EPHB1: variants seen among roughly 807,000 people sequenced by gnomAD.
The protein encoded by EPHB1 is ephrin type-B receptor 1.
Under a neutral mutation model 94.4 loss-of-function variants are expected in EPHB1, and 30 were observed. That is an observed-to-expected ratio of 0.32 (90% CI 0.24 to 0.43). EPHB1 has a LOEUF of 0.43. EPHB1 is among the 20% of genes least tolerant of loss of function. EPHB1 has a pLI of 1.00. For synonymous variants in EPHB1, 522 were observed against 489.1 expected, an observed-to-expected ratio of 1.07 and a Z score of -0.89; for missense variants, 1,055 against 1,308.3, an observed-to-expected ratio of 0.81 and a Z score of 2.99.
intron 1 of EPHB1, among the ~76,000 whole-genome samples, chr3:134,850,831 G>T (rs1256811503): frequency 1.3e-5 from 2 of 152,260 alleles, no homozygotes; most frequent in Non-Finnish European, 2.9e-5. Flanking sequence ...CACGAGGGAG[G>T]TGCAGACAGT....
At chr3:135,069,782 G>A (rs943121499) in intron 3 of EPHB1, among the ~76,000 whole-genome samples, 2 of 151,836 alleles carry the variant, frequency 1.3e-5, no homozygotes, top group Admixed American at 6.6e-5. Flanking sequence ...ATAACCTTGT[G>A]TTCAAATTTT....
chr3:134,968,338 C>G (rs1933840579), intron 3 of EPHB1, among the ~76,000 whole-genome samples: 1 of 152,010 alleles, frequency 6.6e-6, no homozygotes, highest in Non-Finnish European at 1.5e-5. Context: ...TTGGGTGAAC[C>G]ATATATGAAT....
intron 3 of EPHB1, among the ~76,000 whole-genome samples, chr3:134,962,371 A>G (rs573880147): frequency 6.6e-6 from 1 of 152,270 alleles, no homozygotes; most frequent in Non-Finnish European, 1.5e-5. Flanking sequence ...CCAACCCTGC[A>G]TCATCCTCTG....
At chr3:135,048,244 C>T (rs368282434) in intron 3 of EPHB1, among the ~76,000 whole-genome samples, 814 of 78,846 alleles carry the variant, frequency 0.01, no homozygotes, top group South Asian at 0.013. Context: ...TTTTCTTTTT[C>T]TTTCTTTCTT....
chr3:134,973,178 G>C (rs12495634), intron 3 of EPHB1, among the ~76,000 whole-genome samples: 61,739 of 152,090 alleles, frequency 0.41, 13,375 homozygotes, highest in African/African-American at 0.54. Flanking sequence ...AGTCTCAGGT[G>C]TGCAGCCCTT....
intron 3 of EPHB1, among the ~76,000 whole-genome samples, chr3:135,035,231 T>C (rs982420662): frequency 3.9e-5 from 6 of 152,176 alleles, no homozygotes; most frequent in Admixed American, 2.0e-4. Flanking sequence ...CCTGCATCCA[T>C]CGCTCCTTGG....
At chr3:135,071,225 T>C (rs1293408794) in intron 3 of EPHB1, among the ~76,000 whole-genome samples, 3 of 152,192 alleles carry the variant, frequency 2.0e-5, no homozygotes, top group Non-Finnish European at 4.4e-5. Context: ...ACACACTGAT[T>C]TCCTTTGTGC....
At chr3:134,969,158 T>G (rs1303950854) in intron 3 of EPHB1, among the ~76,000 whole-genome samples, 1 of 152,228 alleles carries the variant, frequency 6.6e-6, no homozygotes, top group African/African-American at 2.4e-5. Flanking sequence ...TGTTCTGCCT[T>G]TTTGGCAGCA....
At chr3:135,183,962 A>G (rs553099838) in intron 10 of EPHB1, among the ~76,000 whole-genome samples, 1 of 152,324 alleles carries the variant, frequency 6.6e-6, no homozygotes, top group Admixed American at 6.5e-5. Context: ...TTGGACTGGA[A>G]GAGGGGGATG....
At chr3:134,985,555 A>C (rs1422927789) in intron 3 of EPHB1, among the ~76,000 whole-genome samples, 1 of 152,184 alleles carries the variant, frequency 6.6e-6, no homozygotes, top group African/African-American at 2.4e-5. Flanking sequence ...CAGAGATTCA[A>C]AAGCAAGAAG....
At position 134,882,788 on chromosome 3, in the gene EPHB1, T is replaced by TTCTTTC. The variant is rs1553861928; in HGVS notation, c.59-43026_59-43021dup. ...TTCCTTTCTTTCTTTCTTTCTTTCTTTCTTTCTTTCTTTCTTTCTTTCTTT... is the reference window on the plus strand; with the variant it reads ...TTCCTTTCTTTCTTTCTTTCTTTCTTTCTTTCTCTTTCTTTCTTTCTTTCTTTCTTT... On this transcript the variant is annotated intron_variant, in intron 1 of 15. Transcript: ENST00000398015. 1.6e-3 allele frequency among the ~76,000 whole-genome samples: 110 copies of TTCTTTC among 69,210 alleles called. 2 individuals are homozygous for TTCTTTC. Among genetic ancestry groups the TTCTTTC allele is most frequent in the African/African-American group, 5.0e-3 (107 of 21,216 alleles). The allele number at this position is 69,210 out of a possible 152,430, so 45.4% of individuals were successfully genotyped here.
chr3:134,968,075 A>G (rs1933832559), intron 3 of EPHB1, among the ~76,000 whole-genome samples: 1 of 152,206 alleles, frequency 6.6e-6, no homozygotes, highest in African/African-American at 2.4e-5. Context: ...ACAGCCATAG[A>G]AGTATAGTTT....
chr3:135,161,955 G>A, intron 6 of EPHB1, 63 bp from the exon 7 acceptor site: 1 of 1,530,994 alleles, frequency 6.5e-7, no homozygotes, highest in Non-Finnish European at 8.8e-7. Flanking sequence ...CTCCAGGGTG[G>A]AGTGGGCTGG....
intron 3 of EPHB1, among the ~76,000 whole-genome samples, chr3:135,027,338 A>G (rs1422154197): frequency 1.4e-5 from 2 of 147,906 alleles, no homozygotes; most frequent in Non-Finnish European, 3.0e-5. Flanking sequence ...TCAGTATGAT[A>G]TTGGCTGTGG....
intron 3 of EPHB1, among the ~76,000 whole-genome samples, chr3:134,996,561 T>G (rs1935002001): frequency 6.6e-6 from 1 of 152,184 alleles, no homozygotes; most frequent in African/African-American, 2.4e-5. Context: ...TTTTAAGGCT[T>G]TTAATAAAAA....
intron 2 of EPHB1, among the ~76,000 whole-genome samples, chr3:134,932,122 C>A (rs1486253070): frequency 6.6e-6 from 1 of 152,006 alleles, no homozygotes; most frequent in African/African-American, 2.4e-5. Flanking sequence ...GAAACACTTT[C>A]AATAACGGGA....
At chr3:135,112,540 T>TCCCCCCA (rs1237720821) in intron 4 of EPHB1, among the ~76,000 whole-genome samples, 2 of 63,948 alleles carry the variant, frequency 3.1e-5, no homozygotes, top group African/African-American at 1.3e-4. Context: ...CCCTCCCCCC[T>TCCCCCCA]CCCCCCACCC....
intron 3 of EPHB1, among the ~76,000 whole-genome samples, chr3:135,072,762 A>G (rs1257528498): frequency 5.3e-5 from 8 of 152,198 alleles, no homozygotes; most frequent in African/African-American, 1.2e-4. Context: ...TTTACTTGCT[A>G]TAAAGTGAAT....
chr3:135,150,695 T>G (rs1232179536), intron 5 of EPHB1, among the ~76,000 whole-genome samples: 1 of 152,188 alleles, frequency 6.6e-6, no homozygotes, highest in African/African-American at 2.4e-5. Context: ...TGTTTTCTCC[T>G]CATCTTCTGA....
Sources: allele counts gnomAD v4.1 joint callset (sites outside exome capture counted in the v4.1 genomes callset), GRCh38; gene constraint gnomAD v4.1.1; transcripts MANE v1.5; gene names NCBI Gene and HGNC (gene_info 2026-07-23, HGNC 2026-07-21).